Variants in HS3ST2 observed in about 807,000 individuals in gnomAD.
HS3ST2 encodes the protein heparan sulfate-glucosamine 3-sulfotransferase 2, also known as heparan sulfate glucosamine 3-O-sulfotransferase 2.
A neutral mutation model predicts 26.3 loss-of-function variants in HS3ST2; 17 were observed. The ratio of observed to expected loss-of-function variants is 0.65; its 90% confidence interval spans 0.44 to 0.97. HS3ST2 has a LOEUF of 0.97. Ranked by LOEUF, HS3ST2 falls within the 50% of genes least tolerant of loss-of-function variation. The pLI is 0.00. For missense variants in HS3ST2, 402 were observed against 501.2 expected (o/e 0.80, Z 1.89); for synonymous variants, 237 against 219.2 (o/e 1.08, Z -0.72).
intron 1 of HS3ST2, among the ~76,000 whole-genome samples, chr16:22,913,208 G>T (rs571131661): frequency 1.4e-5 from 2 of 147,770 alleles, no homozygotes; most frequent in Non-Finnish European, 1.5e-5. Context: ...GGGACTTCTC[G>T]GGTAGTTCTA....
chr16:22,830,823 C>A lies in HS3ST2; in HGVS notation c.485+15728C>A, dbSNP rs528587728. Among the ~76,000 whole-genome samples, 47 of 152,348 alleles carry A rather than the reference C, an allele frequency of 3.1e-4. 1 individual carries two copies. In the South Asian group the frequency reaches 7.9e-3, roughly 25 times the overall value. On this transcript the variant is annotated intron_variant, in intron 1 of 1. Coordinates refer to ENST00000261374, the MANE Select transcript of HS3ST2 (RefSeq NM_006043.2). ...ATGATTTGTTTTTTGGACATATTTA[C>A]AAATAGTTCCATTTACTTTACATTA...
At chr16:22,827,213 GGGCCAGTATGTCCAGGGTGGAGT>G in intron 1 of HS3ST2, among the ~76,000 whole-genome samples, 1 of 152,154 alleles carries the variant, frequency 6.6e-6, no homozygotes, top group Non-Finnish European at 1.5e-5. Context: ...GAAAACCCAG[GGGCCAGTATGTCCAGGGTGGAGT>G]GCCCAAGAAG....
chr16:22,826,304 A>C (rs2141176508), intron 1 of HS3ST2, among the ~76,000 whole-genome samples: 1 of 152,200 alleles, frequency 6.6e-6, no homozygotes, highest in East Asian at 1.9e-4. Flanking sequence ...GGGTGTTTGC[A>C]TCTGCTGTTC....
At chr16:22,820,172 C>A (rs149254564) in intron 1 of HS3ST2, among the ~76,000 whole-genome samples, 38 of 152,252 alleles carry the variant, frequency 2.5e-4, no homozygotes, top group Admixed American at 1.3e-3. Flanking sequence ...TCCATAAACC[C>A]CCCCCCATTT....
At chr16:22,830,350 A>G (rs1290843692) in intron 1 of HS3ST2, among the ~76,000 whole-genome samples, 2 of 152,210 alleles carry the variant, frequency 1.3e-5, no homozygotes, top group Non-Finnish European at 2.9e-5. Context: ...CTAGTGGTGT[A>G]GATGAAGTCT....
At chr16:22,832,151 C>CTTTTCTT (rs1337530497) in intron 1 of HS3ST2, among the ~76,000 whole-genome samples, 1 of 115,476 alleles carries the variant, frequency 8.7e-6, no homozygotes, top group African/African-American at 3.2e-5. Context: ...CCCAGCTGAT[C>CTTTTCTT]TTTTTTTTTT....
intron 1 of HS3ST2, among the ~76,000 whole-genome samples, chr16:22,861,061 G>A (rs1367589211): frequency 6.6e-6 from 1 of 151,886 alleles, no homozygotes; most frequent in Non-Finnish European, 1.5e-5. Flanking sequence ...TTTTTTTGTA[G>A]ATATAGGGCC....
At chr16:22,893,870 C>T (rs182779550) in intron 1 of HS3ST2, among the ~76,000 whole-genome samples, 24 of 152,226 alleles carry the variant, frequency 1.6e-4, no homozygotes, top group Non-Finnish European at 2.5e-4. Context: ...TCACTGCAGC[C>T]TCAACCGCCC....
chr16:22,910,524 C>T (rs923748858), intron 1 of HS3ST2, among the ~76,000 whole-genome samples: 2 of 152,120 alleles, frequency 1.3e-5, no homozygotes, highest in African/African-American at 2.4e-5. Flanking sequence ...ATTCAAGTGC[C>T]CTTGTGATTG....
At chr16:22,858,710 C>G (rs1901636345) in intron 1 of HS3ST2, among the ~76,000 whole-genome samples, 2 of 152,074 alleles carry the variant, frequency 1.3e-5, no homozygotes, top group South Asian at 4.2e-4. Context: ...TCAGACACGT[C>G]TCTTGACCTC....
chr16:22,874,921 G>C (rs1180321994), intron 1 of HS3ST2, among the ~76,000 whole-genome samples: 1 of 152,190 alleles, frequency 6.6e-6, no homozygotes, highest in Non-Finnish European at 1.5e-5. Flanking sequence ...ATCACATACA[G>C]GGAAGGGCAC....
chr16:22,858,708 G>A lies in HS3ST2; in HGVS notation c.485+43613G>A, dbSNP rs192778284. 6.0e-4 allele frequency among the ~76,000 whole-genome samples: 91 copies of A among 152,188 alleles called. 1 individual carries two copies. The highest frequency in any genetic ancestry group is 1.8e-3 in the African/African-American group (74 of 41,500). On this transcript the variant is annotated intron_variant, in intron 1 of 1. Transcript: ENST00000261374. ...CTTTGTACTGTGTGACCTCAGACAC[G>A]TCTCTTGACCTCTCTGAGTCTGTTT...
At chr16:22,873,408 CGTTAATGACAA>C (rs1567493487) in intron 1 of HS3ST2, among the ~76,000 whole-genome samples, 1 of 152,202 alleles carries the variant, frequency 6.6e-6, no homozygotes, top group Non-Finnish European at 1.5e-5. Flanking sequence ...TCTTATCTCA[CGTTAATGACAA>C]GTTTCTTGGA....
At chr16:22,841,789 T>C (rs533259551) in intron 1 of HS3ST2, among the ~76,000 whole-genome samples, 1 of 152,320 alleles carries the variant, frequency 6.6e-6, no homozygotes, top group East Asian at 1.9e-4. Flanking sequence ...CTGTAGTGGT[T>C]TTTTTCATAG....
intron 1 of HS3ST2, among the ~76,000 whole-genome samples, chr16:22,866,363 G>GGTGTGT (rs1442625101): frequency 3.5e-4 from 40 of 115,100 alleles, no homozygotes; most frequent in African/African-American, 1.3e-3. Context: ...TTGACAATAT[G>GGTGTGT]GTGTGCGTGT....
At chr16:22,863,238 C>T (rs1282994428) in intron 1 of HS3ST2, among the ~76,000 whole-genome samples, 3 of 152,210 alleles carry the variant, frequency 2.0e-5, no homozygotes, top group Admixed American at 2.0e-4. Context: ...CGATTTGTTC[C>T]TGCCTTGGGG....
In HS3ST2 at chr16:22,898,240, G is replaced by A. The variant is rs576543761; in HGVS notation, c.486-16704G>A. 2.0e-5 allele frequency among the ~76,000 whole-genome samples: 3 copies of A among 152,300 alleles called. No homozygotes were observed. The East Asian group carries it at 5.8e-4, about 29-fold the overall frequency. ...ATGGGGTTCACAGACTAACTAGGGG[G>A]AAGGCAATAAACAGATATGCAAGAT... is the stretch of plus-strand genomic sequence containing the variant. On this transcript the variant is annotated intron_variant, in intron 1 of 1. Coordinates refer to ENST00000261374, the MANE Select transcript of HS3ST2 (RefSeq NM_006043.2).
At chr16:22,897,000 G>A (rs143111863) in intron 1 of HS3ST2, among the ~76,000 whole-genome samples, 9 of 152,110 alleles carry the variant, frequency 5.9e-5, no homozygotes, top group African/African-American at 1.9e-4. Flanking sequence ...GTAGGGACAC[G>A]GTTTCACCAT....
At chr16:22,840,146 A>T (rs557522121) in intron 1 of HS3ST2, among the ~76,000 whole-genome samples, 11 of 152,254 alleles carry the variant, frequency 7.2e-5, no homozygotes, top group Non-Finnish European at 1.5e-4. Flanking sequence ...CAGGCACCTG[A>T]CTTACAAAGG....
Sources: allele counts gnomAD v4.1 joint callset (sites outside exome capture counted in the v4.1 genomes callset), GRCh38; gene constraint gnomAD v4.1.1; transcripts MANE v1.5; gene names NCBI Gene and HGNC (gene_info 2026-07-23, HGNC 2026-07-21).